Variants in C4orf51 observed in about 807,000 individuals in gnomAD.
The protein encoded by C4orf51 is uncharacterized protein C4orf51.
A neutral mutation model predicts 25.2 loss-of-function variants in C4orf51; 25 were observed. The observed-to-expected ratio is 0.99, with a 90% CI of 0.72 to 1.39. C4orf51 has a LOEUF of 1.39. Among genes scored for constraint, C4orf51 ranks in the 40% most tolerant of loss-of-function variants. C4orf51 has a pLI of 0.00. For missense variants in C4orf51, 252 were observed against 239.6 expected, an observed-to-expected ratio of 1.05 and a Z score of -0.34; for synonymous variants, 100 against 84.5, an observed-to-expected ratio of 1.18 and a Z score of -1.01.
At chr4:145,707,261 A>G (rs1275169406) in intron 2 of C4orf51, among the ~76,000 whole-genome samples, 1 of 152,198 alleles carries the variant, frequency 6.6e-6, no homozygotes, top group Admixed American at 6.5e-5. Flanking sequence ...TTTTTTATAT[A>G]AAATCTCTTC....
chr4:145,756,740 A>G (rs918433816), downstream of C4orf51, among the ~76,000 whole-genome samples: 3 of 152,244 alleles, frequency 2.0e-5, no homozygotes, highest in African/African-American at 7.2e-5. Context: ...TAGTATTTGA[A>G]TCAAATTAAC....
intron 1 of C4orf51, among the ~76,000 whole-genome samples, chr4:145,739,796 C>T (rs1301464689): frequency 6.6e-6 from 1 of 152,188 alleles, no homozygotes; most frequent in African/African-American, 2.4e-5. Flanking sequence ...ACTCTCCTGA[C>T]TAAAAGGTAG....
intron 1 of C4orf51, among the ~76,000 whole-genome samples, chr4:145,741,775 G>T (rs186313553): frequency 1.2e-4 from 18 of 151,984 alleles, no homozygotes; most frequent in African/African-American, 4.3e-4. Context: ...TCAGCTCACT[G>T]CAACCTCTGC....
rs1164114299 is a variant in C4orf51, at chr4:145,765,278, A to G, written n.167-5710A>G. On this transcript the variant is annotated intron_variant and non_coding_transcript_variant, in intron 1 of 1. Coordinates refer to the C4orf51 transcript ENST00000510096. This position sits in a 1 kb window ranked among gnomAD's most constrained non-coding sequence, Gnocchi z 4.7. ...CCGCCTCCTCCGACGCCTGACAGCT[A>G]TACCCTTCCAGGCACTGTTCCCCAT... The G allele has an allele frequency of 2.5e-6, 3 of 1,200,968 alleles. No homozygotes were observed. The highest frequency in any genetic ancestry group is 3.1e-5 in the African/African-American group (2 of 65,026). 74.4% of individuals were successfully genotyped at this position (1,200,968 alleles called of 1,614,324 possible).
At chr4:145,740,711 T>A (rs1733053207) in intron 1 of C4orf51, among the ~76,000 whole-genome samples, 1 of 152,222 alleles carries the variant, frequency 6.6e-6, no homozygotes, top group African/African-American at 2.4e-5. Flanking sequence ...GCCGCTTTAA[T>A]GGAAGAGCCC....
At chr4:145,735,001 A>G (rs1732726383), downstream of C4orf51, among the ~76,000 whole-genome samples, 1 of 152,200 alleles carries the variant, frequency 6.6e-6, no homozygotes, top group East Asian at 1.9e-4. Flanking sequence ...CCCAGGCACA[A>G]GGCCATCCCT....
intron 2 of C4orf51, among the ~76,000 whole-genome samples, chr4:145,709,841 C>T (rs1731036582): frequency 6.6e-6 from 1 of 152,154 alleles, no homozygotes; most frequent in African/African-American, 2.4e-5. Context: ...GTCTTTCCCA[C>T]CCCTACAAGC....
chr4:145,689,083 G>A (rs529886500), intron 1 of C4orf51, among the ~76,000 whole-genome samples: 1 of 152,252 alleles, frequency 6.6e-6, no homozygotes, highest in Admixed American at 6.5e-5. Flanking sequence ...AGACAGCAGA[G>A]TAGCAAAGAA....
the C4orf51 span, among the ~76,000 whole-genome samples, chr4:145,785,005 T>C: frequency 6.6e-6 from 1 of 152,226 alleles, no homozygotes; most frequent in Non-Finnish European, 1.5e-5. Context: ...TTTTCTCTAC[T>C]TTTCCACCTA....
chr4:145,722,597 A>T (rs1731799856), intron 2 of C4orf51, among the ~76,000 whole-genome samples: 1 of 152,246 alleles, frequency 6.6e-6, no homozygotes, highest in East Asian at 1.9e-4. Flanking sequence ...TCTTTAAGAC[A>T]ATGATACCTT....
chr4:145,738,085 C>T (rs533109174), intron 1 of C4orf51, among the ~76,000 whole-genome samples: 8 of 152,250 alleles, frequency 5.3e-5, no homozygotes, highest in African/African-American at 1.9e-4. Flanking sequence ...TAGTTGGTTC[C>T]TGCTGGAGCA....
chr4:145,761,177 C>A lies in C4orf51; in HGVS notation n.167-9811C>A. 7.8e-7 allele frequency: 1 copy of A among 1,289,840 alleles called. No homozygotes were observed. The highest frequency in any genetic ancestry group is 1.0e-6 in the Non-Finnish European group (1 of 988,870). 79.9% of individuals were successfully genotyped at this position (1,289,840 alleles called of 1,614,324 possible). A position where few individuals can be genotyped will look rare whatever the true frequency, so the allele number is the denominator to read the frequency against. The stretch of plus-strand genomic sequence containing the variant: ...GCTGGACACAGGCCCTTCTTGTCCT[C>A]CTCGGGGCAGTCCCCACTCTGGTGC... On this transcript the variant is annotated intron_variant and non_coding_transcript_variant, in intron 1 of 1. Transcript: ENST00000510096. The surrounding 1 kb of genome is among the most constrained non-coding windows in gnomAD (Gnocchi z 6.8).
chr4:145,745,844 T>C (rs1733341784), intron 1 of C4orf51, among the ~76,000 whole-genome samples: 1 of 152,328 alleles, frequency 6.6e-6, no homozygotes, highest in South Asian at 2.1e-4. Flanking sequence ...CCACCAACAG[T>C]GTACTAGGGT....
At chr4:145,779,111 C>CA in the C4orf51 span, among the ~76,000 whole-genome samples, 2 of 152,114 alleles carry the variant, frequency 1.3e-5, no homozygotes, top group East Asian at 3.8e-4. Flanking sequence ...TTTTTTTTAA[C>CA]AGAGTTTAGG....
intron 2 of C4orf51, among the ~76,000 whole-genome samples, chr4:145,697,446 C>G (rs1033240378): frequency 6.6e-6 from 1 of 152,200 alleles, no homozygotes; most frequent in African/African-American, 2.4e-5. Flanking sequence ...AGTTACCATA[C>G]TGTACATAAG....
At chr4:145,693,566 T>C (rs1321238108) in intron 1 of C4orf51, among the ~76,000 whole-genome samples, 1 of 147,310 alleles carries the variant, frequency 6.8e-6, no homozygotes, top group Non-Finnish European at 1.5e-5. Flanking sequence ...CCAGATGGGG[T>C]GGTGGCCGGG....
intron 2 of C4orf51, among the ~76,000 whole-genome samples, chr4:145,703,747 C>T (rs1730616504): frequency 6.6e-6 from 1 of 152,158 alleles, no homozygotes; most frequent in Non-Finnish European, 1.5e-5. Flanking sequence ...TTATGTTTAA[C>T]TCTTTAATCT....
At chr4:145,698,979 G>A (rs1397416743) in intron 2 of C4orf51, among the ~76,000 whole-genome samples, 2 of 151,780 alleles carry the variant, frequency 1.3e-5, no homozygotes, top group African/African-American at 4.8e-5. Flanking sequence ...AGTGTAAATG[G>A]CCGGTCCTTG....
downstream of C4orf51, among the ~76,000 whole-genome samples, chr4:145,733,697 G>A (rs1165515117): frequency 6.6e-6 from 1 of 152,186 alleles, no homozygotes; most frequent in African/African-American, 2.4e-5. Context: ...CTTAGCCCTA[G>A]GTCGGGTTAA....
Sources: allele counts gnomAD v4.1 joint callset (sites outside exome capture counted in the v4.1 genomes callset), GRCh38; gene constraint gnomAD v4.1.1; non-coding constraint Gnocchi (gnomAD v3.1); transcripts MANE v1.5; gene names NCBI Gene and HGNC (gene_info 2026-07-23, HGNC 2026-07-21).